The following TMEFF2 variants were observed in gnomAD, a reference collection of about 807,000 sequenced individuals.
TMEFF2 encodes tomoregulin-2.
TMEFF2 carries 28 observed loss-of-function variants against 53.8 expected under a neutral mutation model. That is an observed-to-expected ratio of 0.52 (90% confidence interval 0.39 to 0.71). The LOEUF (loss-of-function observed/expected upper bound fraction) is 0.71. Among genes scored for constraint, TMEFF2 ranks in the 30% least tolerant of loss-of-function variants. The pLI is 0.00. For synonymous variants in TMEFF2, 162 were observed against 166.3 expected (o/e 0.97, Z 0.20); for missense variants, 353 against 455.2 (o/e 0.78, Z 2.04).
intron 7 of TMEFF2, among the ~76,000 whole-genome samples, chr2:191,960,581 T>C (rs1236949328): frequency 1.3e-5 from 2 of 152,188 alleles, no homozygotes; most frequent in East Asian, 1.9e-4. Context: ...GCGAGGCCTT[T>C]GGGGGCTGGT....
At chr2:192,168,398 C>A (rs1690822678) in intron 4 of TMEFF2, among the ~76,000 whole-genome samples, 1 of 152,022 alleles carries the variant, frequency 6.6e-6, no homozygotes, top group African/African-American at 2.4e-5. Context: ...CCAAATAATA[C>A]ATTCTCTGGC....
intron 7 of TMEFF2, among the ~76,000 whole-genome samples, chr2:191,982,583 TAA>T (rs1241232477): frequency 6.6e-5 from 10 of 151,906 alleles, no homozygotes. Flanking sequence ...ATACAAATGT[TAA>T]AAAGTGACTT....
intron 4 of TMEFF2, among the ~76,000 whole-genome samples, chr2:192,112,782 G>GGCTGTTT (rs1481201714): frequency 6.6e-6 from 1 of 152,056 alleles, no homozygotes; most frequent in African/African-American, 2.4e-5. Context: ...AAATAATGGG[G>GGCTGTTT]GCTGTTTCCC....
In TMEFF2 at chr2:191,964,368, CTTTCTCTTTCTTTCTTTCTT is replaced by C. The variant is rs1269631203; in HGVS notation, c.746-8010_746-7991del. Among the ~76,000 whole-genome samples, 3 of 66,066 alleles carry C rather than the reference CTTTCTCTTTCTTTCTTTCTT, an allele frequency of 4.5e-5. 1 individual carries two copies. The Admixed American group carries it at 4.6e-4, about 10-fold the overall frequency. 43.3% of individuals were successfully genotyped at this position (66,066 alleles called of 152,430 possible). A position where few individuals can be genotyped will look rare whatever the true frequency, so the allele number is the denominator to read the frequency against. On this transcript the variant is annotated intron_variant, in intron 7 of 9. Transcript: ENST00000272771. ...TCTTTCTTTCTTTCTTTCTTTCTTTCTTTCTCTTTCTTTCTTTCTTTCTTTCTTTCTCTTTCTTTCTTTCT... is the reference window on the plus strand; with the variant it reads ...TCTTTCTTTCTTTCTTTCTTTCTTTCTCTTTCTTTCTCTTTCTTTCTTTCT...
intron 8 of TMEFF2, 83 bp downstream of exon 8, chr2:191,956,172 T>G (rs7606017): frequency 0.77 from 1,107,072 of 1,436,024 alleles, 427,940 homozygotes; most frequent in East Asian, 0.96. Flanking sequence ...GAAGAATGTC[T>G]ACCAATTTTC....
intron 4 of TMEFF2, among the ~76,000 whole-genome samples, chr2:192,110,835 T>C (rs1464829469): frequency 1.3e-5 from 2 of 152,146 alleles, no homozygotes; most frequent in East Asian, 3.9e-4. Flanking sequence ...AGGGGCCTGG[T>C]GGGAGATAAC....
chr2:191,988,855 C>T (rs530493037), intron 7 of TMEFF2, among the ~76,000 whole-genome samples: 70 of 151,892 alleles, frequency 4.6e-4, no homozygotes, highest in Non-Finnish European at 8.4e-4. Flanking sequence ...CATTACGTAA[C>T]GCTATCAAAC....
intron 4 of TMEFF2, among the ~76,000 whole-genome samples, chr2:192,062,972 T>TGC: frequency 7.1e-6 from 1 of 141,530 alleles, no homozygotes; most frequent in Non-Finnish European, 1.6e-5. Flanking sequence ...GGGAGTGTTT[T>TGC]TTTTTTTTGT....
chr2:192,193,777 G>T (rs139171526), intron 1 of TMEFF2, among the ~76,000 whole-genome samples: 798 of 52,578 alleles, frequency 0.015, 18 homozygotes, highest in African/African-American at 0.032. Flanking sequence ...GAGAGAGAGA[G>T]AGAGAGAGAG....
At chr2:191,953,083 C>G (rs1691937030) in intron 9 of TMEFF2, among the ~76,000 whole-genome samples, 1 of 152,212 alleles carries the variant, frequency 6.6e-6, no homozygotes, top group Non-Finnish European at 1.5e-5. Flanking sequence ...AAGTACTGGC[C>G]TCATTCCTTT....
intron 4 of TMEFF2, among the ~76,000 whole-genome samples, chr2:192,092,390 GATT>G (rs897518868): frequency 6.6e-6 from 1 of 151,986 alleles, no homozygotes; most frequent in African/African-American, 2.4e-5. Context: ...ATACTTTATA[GATT>G]ATTTAAAATT....
At chr2:192,052,174 C>T (rs1687788213) in intron 5 of TMEFF2, among the ~76,000 whole-genome samples, 1 of 152,050 alleles carries the variant, frequency 6.6e-6, no homozygotes, top group Non-Finnish European at 1.5e-5. Context: ...GCAAATATAC[C>T]TAATAATTTA....
chr2:192,172,703 T>C lies in TMEFF2; in HGVS notation c.439+6965A>G, dbSNP rs1366199443. ...GAGGTGTGTGATTAACTTAGATAAT[T>C]ACATTGAGTAGAACAGATGATTTCA... On this transcript the variant is annotated intron_variant, in intron 4 of 9. Coordinates refer to ENST00000272771, the MANE Select transcript of TMEFF2 (RefSeq NM_016192.4). 2.0e-5 allele frequency among the ~76,000 whole-genome samples: 3 copies of C among 152,056 alleles called. No individual in the cohort carries two copies. In the East Asian group the frequency reaches 5.8e-4, roughly 30 times the overall value.
chr2:191,969,048 TG>T (rs1692548037), intron 7 of TMEFF2, among the ~76,000 whole-genome samples: 1 of 152,010 alleles, frequency 6.6e-6, no homozygotes, highest in Non-Finnish European at 1.5e-5. Context: ...ACCCTCTCTT[TG>T]GGCAGAGACT....
At chr2:191,995,876 TCTTAA>T (rs1319038551) in intron 7 of TMEFF2, among the ~76,000 whole-genome samples, 1 of 152,022 alleles carries the variant, frequency 6.6e-6, no homozygotes, top group Non-Finnish European at 1.5e-5. Flanking sequence ...TTTACTTTTA[TCTTAA>T]AAGTTTTTCT....
chr2:192,174,347 A>G (rs1690985734), intron 4 of TMEFF2, among the ~76,000 whole-genome samples: 1 of 151,764 alleles, frequency 6.6e-6, no homozygotes, highest in Non-Finnish European at 1.5e-5. Context: ...AAAACAAACT[A>G]TAGCCATGCT....
chr2:192,191,624 A>T (rs1428584517), intron 2 of TMEFF2, among the ~76,000 whole-genome samples: 2 of 152,092 alleles, frequency 1.3e-5, no homozygotes, highest in Non-Finnish European at 2.9e-5. Flanking sequence ...GAGAAACATA[A>T]TTTTCCTTTG....
At chr2:192,160,347 C>T (rs1251765349) in intron 4 of TMEFF2, among the ~76,000 whole-genome samples, 1 of 152,150 alleles carries the variant, frequency 6.6e-6, no homozygotes, top group Admixed American at 6.6e-5. Flanking sequence ...GTAATATCCA[C>T]TTTAGTGATA....
intron 5 of TMEFF2, among the ~76,000 whole-genome samples, chr2:192,049,153 A>ATGTGTG (rs56231804): frequency 0.068 from 10,295 of 151,262 alleles, 519 homozygotes; most frequent in African/African-American, 0.14. Flanking sequence ...CATTTGGTCT[A>ATGTGTG]TGTGTGTGTG....
Sources: gnomAD v4.1 joint callset for allele counts (sites outside exome capture counted in the v4.1 genomes callset) on GRCh38, gnomAD v4.1.1 for gene constraint, MANE v1.5 for transcripts, NCBI Gene and HGNC (gene_info 2026-07-23, HGNC 2026-07-21) for gene names.